Variants in PDE4B observed in about 807,000 individuals in gnomAD.
The protein encoded by PDE4B is 3',5'-cyclic-AMP phosphodiesterase 4B.
A neutral mutation model predicts 82.2 loss-of-function variants in PDE4B; 20 were observed. That is an observed-to-expected ratio of 0.24 (90% confidence interval 0.17 to 0.35). The LOEUF is 0.35. Ranked by LOEUF, PDE4B falls within the 10% of genes least tolerant of loss-of-function variation. The pLI is 1.00. For missense variants in PDE4B, 655 were observed against 907.2 expected (o/e 0.72, Z 3.57); for synonymous variants, 320 against 318.9 (o/e 1.00, Z -0.04).
chr1:66,072,758 A>C (rs1046184781), intron 3 of PDE4B, among the ~76,000 whole-genome samples: 1 of 152,118 alleles, frequency 6.6e-6, no homozygotes, highest in Non-Finnish European at 1.5e-5. Flanking sequence ...GCTAGGTTCT[A>C]GGAACATCAA....
intron 1 of PDE4B, among the ~76,000 whole-genome samples, chr1:65,818,760 GA>G (rs1235484372): frequency 6.6e-6 from 1 of 150,484 alleles, no homozygotes; most frequent in African/African-American, 2.4e-5. Context: ...ACAAACTCAG[GA>G]GGCAGATGTT....
At chr1:66,300,823 T>C (rs1413426343) in intron 7 of PDE4B, among the ~76,000 whole-genome samples, 3 of 152,188 alleles carry the variant, frequency 2.0e-5, no homozygotes, top group Admixed American at 6.5e-5. Context: ...GCTGGCCGTA[T>C]GCAGTCCCGT....
intron 3 of PDE4B, among the ~76,000 whole-genome samples, chr1:66,172,428 T>G (rs1646854888): frequency 6.6e-6 from 1 of 152,242 alleles, no homozygotes; most frequent in African/African-American, 2.4e-5. Context: ...GGATGTGTCT[T>G]TTTGGTAGAA....
At chr1:65,887,186 T>TTTTCTTTCTTTCTTTCTTTC (rs766627917) in intron 1 of PDE4B, among the ~76,000 whole-genome samples, 31 of 60,120 alleles carry the variant, frequency 5.2e-4, no homozygotes, top group Admixed American at 1.1e-3. Flanking sequence ...CTCCCTCCCT[T>TTTTCTTTCTTTCTTTCTTTC]TTTCTTTCTT....
intron 1 of PDE4B, among the ~76,000 whole-genome samples, chr1:65,864,411 G>C (rs1646487940): frequency 6.6e-6 from 1 of 152,036 alleles, no homozygotes; most frequent in Non-Finnish European, 1.5e-5. Flanking sequence ...TTGCTGGAGA[G>C]GAGTTGCGAT....
Position 66,347,539 on chromosome 1 carries a change from A to G in PDE4B, c.748-7988A>G, listed in dbSNP as rs189326888. ...AGGAAAGGATAGATCTATGTAGTCC[A>G]AAGCTTTCTTTTATTTTTTTGATAG... On this transcript the variant is annotated intron_variant, in intron 8 of 16. Transcript: ENST00000341517. 1.1e-4 allele frequency among the ~76,000 whole-genome samples: 16 copies of G among 152,312 alleles called. No individual in the cohort carries two copies. In the East Asian group the frequency reaches 2.9e-3, roughly 28 times the overall value.
intron 1 of PDE4B, among the ~76,000 whole-genome samples, chr1:65,895,960 A>AATG (rs992737733): frequency 9.4e-5 from 14 of 148,700 alleles, no homozygotes; most frequent in Admixed American, 2.7e-4. Context: ...TAATAATAAT[A>AATG]ATAATAATAC....
intron 16 of PDE4B, among the ~76,000 whole-genome samples, chr1:66,372,105 G>A (rs1355441994): frequency 6.6e-6 from 1 of 152,142 alleles, no homozygotes; most frequent in Admixed American, 6.5e-5. Context: ...ATAGTAAACA[G>A]CAATACTTAC....
At chr1:65,917,236 T>C (rs1647172239) in intron 2 of PDE4B, among the ~76,000 whole-genome samples, 1 of 152,216 alleles carries the variant, frequency 6.6e-6, no homozygotes, top group Non-Finnish European at 1.5e-5. Context: ...CTTGAGTTAA[T>C]TATCCTTATA....
intron 3 of PDE4B, among the ~76,000 whole-genome samples, chr1:66,011,635 T>C (rs1652493102): frequency 6.6e-6 from 1 of 152,092 alleles, no homozygotes; most frequent in Admixed American, 6.6e-5. Context: ...TGCAAAATAA[T>C]TGGCAAGTAC....
chr1:65,794,021 C>A (rs775882538), intron 1 of PDE4B, among the ~76,000 whole-genome samples: 31 of 152,030 alleles, frequency 2.0e-4, no homozygotes, highest in Admixed American at 6.5e-5. Context: ...ACAGAAGAAT[C>A]GCTCTTAATT....
chr1:66,064,889 T>C (rs936792854), intron 3 of PDE4B, among the ~76,000 whole-genome samples: 9 of 151,976 alleles, frequency 5.9e-5, no homozygotes, highest in Admixed American at 1.3e-4. Flanking sequence ...TCAGAAACTT[T>C]ATAGTCTTTT....
chr1:66,116,383 T>G (rs760165662), intron 3 of PDE4B, among the ~76,000 whole-genome samples: 4 of 152,130 alleles, frequency 2.6e-5, no homozygotes, highest in African/African-American at 9.7e-5. Flanking sequence ...AGACAGGGCA[T>G]TCAACTAGGT....
chr1:66,092,589 C>A (rs1327200213), intron 3 of PDE4B, among the ~76,000 whole-genome samples: 1 of 151,956 alleles, frequency 6.6e-6, no homozygotes, highest in African/African-American at 2.4e-5. Flanking sequence ...AATGATAATA[C>A]AAACAAAAGT....
At chr1:65,993,185 TC>T (rs1228525724) in intron 3 of PDE4B, 15 of 1,418,404 alleles carry the variant, frequency 1.1e-5, no homozygotes, top group Non-Finnish European at 1.3e-5. Context: ...TTTCAGATTC[TC>T]GCATTAGCAC....
intron 3 of PDE4B, among the ~76,000 whole-genome samples, chr1:66,170,175 G>A (rs138062358): frequency 1.1e-4 from 17 of 152,238 alleles, no homozygotes; most frequent in Admixed American, 2.0e-4. Flanking sequence ...AACAACATTC[G>A]TGGATATGGT....
chr1:66,328,952 A>AGTATGCTAAGATCCAAGGGGTT (rs1302430653), intron 7 of PDE4B, among the ~76,000 whole-genome samples: 5 of 152,238 alleles, frequency 3.3e-5, no homozygotes, highest in Admixed American at 2.6e-4. Flanking sequence ...TACCCTTAGC[A>AGTATGCTAAGATCCAAGGGGTT]GTATGCTAAG....
intron 3 of PDE4B, among the ~76,000 whole-genome samples, chr1:66,110,209 A>T (rs1376378402): frequency 6.6e-6 from 1 of 151,960 alleles, no homozygotes; most frequent in Non-Finnish European, 1.5e-5. Context: ...GCGGAAATTG[A>T]TGAGCGTTTG....
intron 1 of PDE4B, among the ~76,000 whole-genome samples, chr1:65,908,601 G>A (rs969435106): frequency 6.6e-6 from 1 of 152,102 alleles, no homozygotes; most frequent in Admixed American, 6.5e-5. Flanking sequence ...GGATGCTTGA[G>A]CTTATTCTGG....
Sources: allele counts gnomAD v4.1 joint callset (sites outside exome capture counted in the v4.1 genomes callset), GRCh38; gene constraint gnomAD v4.1.1; transcripts MANE v1.5; gene names NCBI Gene and HGNC (gene_info 2026-07-23, HGNC 2026-07-21).